The following LRRC4C variants were observed in gnomAD, a reference collection of about 807,000 sequenced individuals.
LRRC4C encodes the protein leucine-rich repeat-containing protein 4C.
LRRC4C carries 5 observed loss-of-function variants against 33.6 expected under a neutral mutation model. That is an observed-to-expected ratio of 0.15 (90% CI 0.08 to 0.31). The LOEUF is 0.31. Ranked by LOEUF, LRRC4C falls within the 10% of genes least tolerant of loss-of-function variation. LRRC4C has a pLI of 1.00. For missense variants in LRRC4C, 560 were observed against 796.7 expected (o/e 0.70, Z 3.58); for synonymous variants, 329 against 302.0 (o/e 1.09, Z -0.93).
intron 3 of LRRC4C, among the ~76,000 whole-genome samples, chr11:40,325,504 T>A (rs1946052978): frequency 6.6e-6 from 1 of 152,046 alleles, no homozygotes; most frequent in African/African-American, 2.4e-5. Context: ...GGCACATGCC[T>A]ATAGTCCAAG....
intron 3 of LRRC4C, among the ~76,000 whole-genome samples, chr11:40,549,203 T>G (rs1957041989): frequency 6.6e-6 from 1 of 152,166 alleles, no homozygotes; most frequent in Non-Finnish European, 1.5e-5. Flanking sequence ...TAACCTATCA[T>G]TAGACAAGAT....
chr11:41,395,271 A>G (rs1290184968), intron 1 of LRRC4C, among the ~76,000 whole-genome samples: 6 of 152,044 alleles, frequency 3.9e-5, no homozygotes, highest in African/African-American at 1.2e-4. Flanking sequence ...AGATTGAAGC[A>G]ACTGCTTTGT....
At chr11:40,672,053 T>A (rs2136279241) in intron 2 of LRRC4C, among the ~76,000 whole-genome samples, 1 of 152,336 alleles carries the variant, frequency 6.6e-6, no homozygotes, top group Middle Eastern at 3.4e-3. Context: ...AGTGGTTGTT[T>A]TAGACCATTT....
At chr11:40,993,059 G>A (rs1182879180) in intron 1 of LRRC4C, among the ~76,000 whole-genome samples, 2 of 152,052 alleles carry the variant, frequency 1.3e-5, no homozygotes, top group Non-Finnish European at 2.9e-5. Flanking sequence ...GAGAACTATG[G>A]CAATTAAAAT....
intron 3 of LRRC4C, among the ~76,000 whole-genome samples, chr11:40,476,094 T>C (rs1433030803): frequency 6.6e-6 from 1 of 152,136 alleles, no homozygotes; most frequent in East Asian, 1.9e-4. Flanking sequence ...CTGCCCATGA[T>C]TGAGAATCAT....
intron 2 of LRRC4C, among the ~76,000 whole-genome samples, chr11:40,717,555 G>A (rs1459349234): frequency 2.0e-5 from 3 of 151,924 alleles, no homozygotes; most frequent in African/African-American, 7.3e-5. Context: ...AATAACATGG[G>A]GTTCTTTTTT....
intron 1 of LRRC4C, among the ~76,000 whole-genome samples, chr11:41,269,568 G>T (rs1019995675): frequency 2.6e-5 from 4 of 152,086 alleles, no homozygotes; most frequent in African/African-American, 9.7e-5. Flanking sequence ...AAGGTAGTCT[G>T]GCTTGAAGAG....
intron 3 of LRRC4C, among the ~76,000 whole-genome samples, chr11:40,338,989 C>T (rs1439806764): frequency 2.6e-5 from 4 of 152,190 alleles, no homozygotes; most frequent in Admixed American, 2.0e-4. Flanking sequence ...TTTCCTGTTT[C>T]CTGTTTCAAG....
chr11:40,983,991 T>G lies in LRRC4C; in HGVS notation c.-495-50268A>C, dbSNP rs115908411. ...AAATTCAACTTTAAATAGGCACATG[T>G]TGCCAGTTGCTACTATACTGGACAA... On this transcript the variant is annotated intron_variant, in intron 1 of 6. Coordinates refer to ENST00000528697, the MANE Select transcript of LRRC4C (RefSeq NM_001258419.2). Among the ~76,000 whole-genome samples the G allele has an allele frequency of 1.5e-3, 231 of 152,266 alleles. 1 individual carries two copies. The highest frequency in any genetic ancestry group is 5.4e-3 in the African/African-American group (223 of 41,556).
At chr11:40,499,637 T>C (rs1164815504) in intron 3 of LRRC4C, among the ~76,000 whole-genome samples, 1 of 152,216 alleles carries the variant, frequency 6.6e-6, no homozygotes. Context: ...ATGATACTGA[T>C]GTTGATGATG....
intron 2 of LRRC4C, among the ~76,000 whole-genome samples, chr11:40,763,260 T>C (rs1002798233): frequency 3.9e-5 from 6 of 152,056 alleles, no homozygotes; most frequent in African/African-American, 1.4e-4. Context: ...TATATTTAAA[T>C]CCATCCCATC....
intron 1 of LRRC4C, among the ~76,000 whole-genome samples, chr11:41,335,536 C>T (rs572013744): frequency 6.6e-6 from 1 of 152,152 alleles, no homozygotes; most frequent in African/African-American, 2.4e-5. Context: ...TTATTGTGTG[C>T]TTCTTCCATA....
rs745585429 is a variant in LRRC4C at position 40,245,273 on chromosome 11, ACT to A, written c.-175-3677_-175-3676del. Among the ~76,000 whole-genome samples the A allele has an allele frequency of 9.9e-5, 15 of 151,870 alleles. No individual in the cohort carries two copies. In the East Asian group the frequency reaches 2.3e-3, roughly 23 times the overall value. ...GTAACTCTGTACATTTTATTTAAAA[ACT>A]CTCTTAGATTTTACTCTATTATTTG... On this transcript the variant is annotated intron_variant, in intron 4 of 6. Coordinates refer to ENST00000528697, the MANE Select transcript of LRRC4C (RefSeq NM_001258419.2).
rs869144067 is a variant in LRRC4C at position 40,438,926 on chromosome 11, CTTTT to C, written c.-269-119209_-269-119206del. 7.8e-4 allele frequency among the ~76,000 whole-genome samples: 83 copies of C among 106,906 alleles called. 1 individual carries two copies. Among genetic ancestry groups the C allele is most frequent in the Middle Eastern group, 0.013 (2 of 160 alleles). 70.1% of individuals were successfully genotyped at this position (106,906 alleles called of 152,430 possible). A position where few individuals can be genotyped will look rare whatever the true frequency, so the allele number is the denominator to read the frequency against. ...TACAGGGTTAATTTATGAATTGCTA[CTTTT>C]TTTTTTTTTTTTTTTTTTGAGACAG... On this transcript the variant is annotated intron_variant, in intron 3 of 6. Coordinates refer to ENST00000528697, the MANE Select transcript of LRRC4C (RefSeq NM_001258419.2).
chr11:40,627,172 T>G (rs185420341), intron 3 of LRRC4C, among the ~76,000 whole-genome samples: 3 of 151,536 alleles, frequency 2.0e-5, no homozygotes, highest in African/African-American at 7.3e-5. Context: ...TAGGGTTACA[T>G]TTTATCCTAA....
At chr11:40,591,222 G>A (rs1959041494) in intron 3 of LRRC4C, among the ~76,000 whole-genome samples, 1 of 152,148 alleles carries the variant, frequency 6.6e-6, no homozygotes, top group Non-Finnish European at 1.5e-5. Context: ...CAGTATTCGG[G>A]TGGGAGCGAC....
chr11:40,877,920 T>G, intron 2 of LRRC4C, among the ~76,000 whole-genome samples: 1 of 149,270 alleles, frequency 6.7e-6, no homozygotes, highest in Admixed American at 7.0e-5. Context: ...AATCAGCTAT[T>G]ACAATGAACC....
chr11:40,715,308 G>A (rs1399288992), intron 2 of LRRC4C, among the ~76,000 whole-genome samples: 1 of 152,118 alleles, frequency 6.6e-6, no homozygotes, highest in Admixed American at 6.5e-5. Flanking sequence ...GTTTTCACTA[G>A]TAATCAGGAA....
At chr11:40,382,715 A>G (rs1276932927) in intron 3 of LRRC4C, among the ~76,000 whole-genome samples, 1 of 106,430 alleles carries the variant, frequency 9.4e-6, no homozygotes, top group East Asian at 2.8e-4. Flanking sequence ...TTTTTTTGAG[A>G]CAGAGTCTCG....
Sources: gnomAD v4.1 joint callset for allele counts (sites outside exome capture counted in the v4.1 genomes callset) on GRCh38, gnomAD v4.1.1 for gene constraint, MANE v1.5 for transcripts, NCBI Gene and HGNC (gene_info 2026-07-23, HGNC 2026-07-21) for gene names.